PRADC1: variants seen among roughly 807,000 people sequenced by gnomAD.
PRADC1 encodes the protein protease-associated domain-containing protein 1.
PRADC1 carries 23 observed loss-of-function variants against 22.9 expected under a neutral mutation model. The observed-to-expected ratio is 1.00, with a 90% CI of 0.72 to 1.42. The LOEUF (loss-of-function observed/expected upper bound fraction) is 1.42, where lower values mean the gene tolerates loss of function less well. Ranked by LOEUF, PRADC1 falls within the 40% of genes most tolerant of loss-of-function variation. The pLI is 0.00. For missense variants in PRADC1, 207 were observed against 258.3 expected (o/e 0.80, Z 1.36); for synonymous variants, 71 against 100.3 (o/e 0.71, Z 1.75).
At position 73,229,348 on chromosome 2, in the gene PRADC1, C is replaced by T. The variant is rs748929910; in HGVS notation, c.278+113G>A. The T allele has an allele frequency of 1.8e-4, 149 of 806,066 alleles. 1 individual carries two copies. Among genetic ancestry groups the T allele is most frequent in the Middle Eastern group, 1.8e-3 (8 of 4,366 alleles). 49.9% of individuals were successfully genotyped at this position (806,066 alleles called of 1,614,324 possible). On this transcript the variant is annotated intron_variant, in intron 3 of 4. Coordinates refer to ENST00000258083, the MANE Select transcript of PRADC1 (RefSeq NM_032319.3). ...GCCCAGGCTAGACATTTCTTAAAGA[C>T]GCTTAAAAAGATGAAATTTTCAAAA...
intron 1 of PRADC1, among the ~76,000 whole-genome samples, chr2:73,231,518 G>A (rs1485716199): frequency 6.6e-6 from 1 of 152,168 alleles, no homozygotes; most frequent in African/African-American, 2.4e-5. Flanking sequence ...CCAGGCTCAA[G>A]CGATTCTCAT....
In PRADC1 at chr2:73,230,213, C is replaced by T. The variant is rs755019599; in HGVS notation, c.68G>A (p.Gly23Asp). 7 of 1,611,248 alleles carry T rather than the reference C, an allele frequency of 4.3e-6. No homozygotes were observed. In the Admixed American group the frequency reaches 1.2e-4, roughly 27 times the overall value. Reference sequence around the variant, plus strand: ...GTACAAATAATCATGGATACGGAAGCCTGAAGGATAAAGAGTACAGGTAAG... The same window carrying T: ...GTACAAATAATCATGGATACGGAAGTCTGAAGGATAAAGAGTACAGGTAAG... ...LWLPACVAAH[G>D]FRIHDYLYFQ... The change falls in exon 2 of 5, where the codon GGC (glycine) becomes GAC (aspartate). Residue 23 changes from glycine (G) to aspartate (D), a missense_variant and splice_region_variant. Coordinates refer to ENST00000258083, the MANE Select transcript of PRADC1 (RefSeq NM_032319.3).
intron 1 of PRADC1, among the ~76,000 whole-genome samples, chr2:73,232,385 T>A (rs951039351): frequency 6.6e-6 from 1 of 151,816 alleles, no homozygotes; most frequent in East Asian, 1.9e-4. Flanking sequence ...AGTCTGTTAG[T>A]CTATCAACAA....
chr2:73,232,336 CAA>C (rs70965721), intron 1 of PRADC1, among the ~76,000 whole-genome samples: 95 of 129,148 alleles, frequency 7.4e-4, no homozygotes, highest in East Asian at 1.2e-3. Flanking sequence ...GACTCCGTCT[CAA>C]AAAAAAAAAA....
chr2:73,233,258 C>T, upstream of PRADC1: 1 of 764,866 alleles, frequency 1.3e-6, no homozygotes, highest in Non-Finnish European at 1.9e-6. Flanking sequence ...CGGCCTCCCG[C>T]CCACATACCC....
chr2:73,229,319 T>C, intron 3 of PRADC1, 142 bp downstream of exon 3: 2 of 701,376 alleles, frequency 2.9e-6, no homozygotes, highest in East Asian at 2.6e-5. Context: ...GGTTTCTCCA[T>C]GTTGCCCAGG....
At position 73,228,879 on chromosome 2, in the gene PRADC1, T is replaced by C. The variant is rs554730900; in HGVS notation, c.362A>G (p.Asn121Ser). 12 of 1,613,704 alleles carry C rather than the reference T, an allele frequency of 7.4e-6. No homozygotes were observed. The African/African-American group carries it at 1.5e-4, about 20-fold the overall frequency. Residue 121 changes from asparagine (N) to serine (S), a missense_variant, in exon 4 of 5, where the codon AAT becomes AGT. By Grantham distance (46) the Asn-to-Ser change is conservative. Coordinates refer to ENST00000258083, the MANE Select transcript of PRADC1 (RefSeq NM_032319.3). This position sits in a 1 kb window ranked among gnomAD's most constrained non-coding sequence, Gnocchi z 4.0. ...GATCATCTCCACGTAGAAGCTGTCA[T>C]TGTCAACTGCGTTGTCAGAGATGAT... ...AVIISDNAVD[N>S]DSFYVEMIQD...
In PRADC1 at chr2:73,228,801, C is replaced by G. The variant is rs371203719; in HGVS notation, c.440G>C (p.Arg147Pro). ...ADIPALFLLGRDGYMIRRSLE... is the reference protein window; with the variant it reads ...ADIPALFLLGPDGYMIRRSLE... Reference sequence around the variant, plus strand: ...AGAGGCAAGGAGCCCTCACCCGTCTCGGCCGAGCAGGAAGAGGGCGGGGAT... The same window carrying G: ...AGAGGCAAGGAGCCCTCACCCGTCTGGGCCGAGCAGGAAGAGGGCGGGGAT... Residue 147 changes from arginine to proline, a missense_variant, in exon 4 of 5, where the codon CGA (arginine) becomes CCA (proline). Coordinates refer to ENST00000258083, the MANE Select transcript of PRADC1 (RefSeq NM_032319.3). The surrounding 1 kb of genome is among the most constrained non-coding windows in gnomAD (Gnocchi z 4.0). 4 of 1,611,626 alleles carry G rather than the reference C, an allele frequency of 2.5e-6. No homozygotes were observed. The East Asian group carries it at 8.9e-5, about 36-fold the overall frequency.
At chr2:73,232,999 G>T (rs373399658) in intron 1 of PRADC1, 95 bp downstream of exon 1, 4 of 1,408,572 alleles carry the variant, frequency 2.8e-6, no homozygotes, top group Non-Finnish European at 3.8e-6. Context: ...GAACTCGCAG[G>T]GTCCCCAAGG....
At chr2:73,231,177 T>A (rs1260766740) in intron 1 of PRADC1, among the ~76,000 whole-genome samples, 1 of 152,262 alleles carries the variant, frequency 6.6e-6, no homozygotes, top group Non-Finnish European at 1.5e-5. Flanking sequence ...TGGAGTGCAG[T>A]GTTGCGATCT....
Position 73,228,300 on chromosome 2 carries a change from G to T in PRADC1, c.*154C>A. On this transcript the variant is annotated 3_prime_UTR_variant, in exon 5 of 5. Transcript: ENST00000258083. This position sits in a 1 kb window ranked among gnomAD's most constrained non-coding sequence, Gnocchi z 4.0. ...CTGGGGAAGGGAAGGCCAGTGGTGT[G>T]GCTTCCCTTTCAGCCTAGCAACGCC... 2 of 920,474 alleles carry T rather than the reference G, an allele frequency of 2.2e-6. No homozygotes were observed. The highest frequency in any genetic ancestry group is 1.6e-6 in the Non-Finnish European group (1 of 607,640). 57.0% of individuals were successfully genotyped at this position (920,474 alleles called of 1,614,324 possible).
At position 73,233,179 on chromosome 2, in the gene PRADC1, C is replaced by G; in HGVS notation, c.-19G>C. 7.4e-7 allele frequency: 1 copy of G among 1,357,620 alleles called. No individual in the cohort carries two copies. 84.1% of individuals were successfully genotyped at this position (1,357,620 alleles called of 1,614,324 possible). On this transcript the variant is annotated 5_prime_UTR_variant, in exon 1 of 5. Coordinates refer to ENST00000258083, the MANE Select transcript of PRADC1 (RefSeq NM_032319.3). ...GGACCATCTCCAGGGCCGGGCCCGG[C>G]CCGGCGCCGCGTTTCCTCTCGCCGC... is the stretch of plus-strand genomic sequence containing the variant.
chr2:73,230,868 T>C (rs1192233418), intron 1 of PRADC1, among the ~76,000 whole-genome samples: 1 of 152,228 alleles, frequency 6.6e-6, no homozygotes, highest in Non-Finnish European at 1.5e-5. Context: ...TACACTGGCC[T>C]TTCAGTGTCT....
At chr2:73,231,058 A>G (rs1686625635) in intron 1 of PRADC1, among the ~76,000 whole-genome samples, 1 of 152,236 alleles carries the variant, frequency 6.6e-6, no homozygotes, top group Admixed American at 6.5e-5. Flanking sequence ...ACCCATTCAA[A>G]TGTACTTTTT....
At chr2:73,232,669 T>C (rs1004097810) in intron 1 of PRADC1, among the ~76,000 whole-genome samples, 19 of 152,260 alleles carry the variant, frequency 1.2e-4, no homozygotes, top group African/African-American at 4.3e-4. Flanking sequence ...CTTATGTGCA[T>C]AGATGTATAC....
intron 1 of PRADC1, among the ~76,000 whole-genome samples, chr2:73,231,606 G>A (rs956300185): frequency 1.3e-5 from 2 of 151,866 alleles, no homozygotes; most frequent in African/African-American, 4.8e-5. Flanking sequence ...TTTTTTAGTA[G>A]AGAGGGTTTC....
chr2:73,231,851 A>G (rs997497804), intron 1 of PRADC1, among the ~76,000 whole-genome samples: 2 of 152,240 alleles, frequency 1.3e-5, no homozygotes, highest in African/African-American at 4.8e-5. Context: ...ATATAGGGAT[A>G]GCCCTATAAA....
rs1260377327 is a variant in PRADC1 at position 73,228,518 on chromosome 2, A to G, written c.503T>C (p.Ile168Thr). Residue 168 changes from isoleucine to threonine, a missense_variant, in exon 5 of 5, where the codon ATC (isoleucine) becomes ACC (threonine). Ile to Thr is a moderately conservative substitution (Grantham distance 89, BLOSUM62 -1). Transcript: ENST00000258083. This position sits in a 1 kb window ranked among gnomAD's most constrained non-coding sequence, Gnocchi z 4.0. ...GGGGATGCTGGTGACATTGACTGGG[A>G]TGGAAATGATGGCCCATGGCAGCCC... ...QHGLPWAIIS[I>T]PVNVTSIPTF... 6.2e-7 allele frequency: 1 copy of G among 1,614,212 alleles called. No individual in the cohort carries two copies. Among genetic ancestry groups the G allele is most frequent in the Admixed American group, 1.7e-5 (1 of 60,028 alleles).
Position 73,233,204 on chromosome 2 carries a change from C to T in PRADC1, c.-44G>A, listed in dbSNP as rs1183690171. 1.6e-6 allele frequency: 2 copies of T among 1,261,686 alleles called. No individual in the cohort carries two copies. The highest frequency in any genetic ancestry group is 3.2e-5 in the African/African-American group (2 of 63,014). 78.2% of individuals were successfully genotyped at this position (1,261,686 alleles called of 1,614,324 possible). A position where few individuals can be genotyped will look rare whatever the true frequency, so the allele number is the denominator to read the frequency against. ...CCCGGCGCCGCGTTTCCTCTCGCCG[C>T]CCCGCCGCGCGTCGCTCGCAGGACT... On this transcript the variant is annotated 5_prime_UTR_variant, in exon 1 of 5. Coordinates refer to ENST00000258083, the MANE Select transcript of PRADC1 (RefSeq NM_032319.3).
Sources: allele counts gnomAD v4.1 joint callset (sites outside exome capture counted in the v4.1 genomes callset), GRCh38; gene constraint gnomAD v4.1.1; non-coding constraint Gnocchi (gnomAD v3.1); transcripts MANE v1.5; gene names NCBI Gene and HGNC (gene_info 2026-07-23, HGNC 2026-07-21).